MAPK10: variants seen among roughly 807,000 people sequenced by gnomAD.
The protein encoded by MAPK10 is JNK3 alpha protein kinase.
A neutral mutation model predicts 59.3 loss-of-function variants in MAPK10; 25 were observed. The ratio of observed to expected loss-of-function variants is 0.42; its 90% CI spans 0.31 to 0.59. The LOEUF (loss-of-function observed/expected upper bound fraction) is 0.59, where lower values mean the gene tolerates loss of function less well. Among genes scored for constraint, MAPK10 ranks in the 20% least tolerant of loss-of-function variants. MAPK10 has a pLI of 0.15. For missense variants in MAPK10, 351 were observed against 568.9 expected (o/e 0.62, Z 3.90); for synonymous variants, 190 against 200.5 (o/e 0.95, Z 0.44).
At chr4:86,348,139 C>T (rs1729224727) in intron 2 of MAPK10, among the ~76,000 whole-genome samples, 1 of 152,144 alleles carries the variant, frequency 6.6e-6, no homozygotes, top group African/African-American at 2.4e-5. Flanking sequence ...GAATTCTTAT[C>T]CATATACTTA....
chr4:86,354,707 C>T (rs1368134456), intron 1 of MAPK10, 63 bp from the exon 2 acceptor site: 10 of 651,966 alleles, frequency 1.5e-5, no homozygotes, highest in Non-Finnish European at 2.2e-5. Context: ...ATTTAGAAAA[C>T]CAAAAAGCTG....
intron 2 of MAPK10, chr4:86,334,931 C>T (rs560796148): frequency 6.6e-6 from 1 of 151,312 alleles, no homozygotes; most frequent in South Asian, 2.1e-4. Context: ...TTTCTGAACT[C>T]AATGCCTAGA....
At chr4:86,512,804 G>A (rs1756376582) in intron 1 of MAPK10, among the ~76,000 whole-genome samples, 1 of 152,182 alleles carries the variant, frequency 6.6e-6, no homozygotes, top group African/African-American at 2.4e-5. Context: ...ACTGATGGAT[G>A]TGTCACACAG....
intron 1 of MAPK10, among the ~76,000 whole-genome samples, chr4:86,470,622 C>G (rs1752577139): frequency 6.6e-6 from 1 of 151,986 alleles, no homozygotes; most frequent in Admixed American, 6.6e-5. Flanking sequence ...TTTCATCTCC[C>G]CTATTTTTTC....
chr4:86,264,347 TA>T (rs1278816254), intron 2 of MAPK10, among the ~76,000 whole-genome samples: 7 of 152,100 alleles, frequency 4.6e-5, no homozygotes, highest in Non-Finnish European at 1.0e-4. Context: ...TTCACAGAGT[TA>T]AAAAAACCTT....
intron 2 of MAPK10, among the ~76,000 whole-genome samples, chr4:86,314,258 T>C (rs1176304590): frequency 6.6e-6 from 1 of 152,104 alleles, no homozygotes; most frequent in African/African-American, 2.4e-5. Context: ...GGTGGATACA[T>C]AGGTTATATG....
intron 9 of MAPK10, among the ~76,000 whole-genome samples, chr4:86,084,268 T>C (rs1004132013): frequency 1.3e-5 from 2 of 152,200 alleles, no homozygotes; most frequent in African/African-American, 4.8e-5. Flanking sequence ...GATTTGGCTC[T>C]TGGACCGCCT....
intron 2 of MAPK10, among the ~76,000 whole-genome samples, chr4:86,242,597 A>AG (rs1438931573): frequency 6.6e-6 from 1 of 152,222 alleles, no homozygotes; most frequent in African/African-American, 2.4e-5. Context: ...AGGATGGGTC[A>AG]GGGTTAGACC....
At chr4:86,088,583 AT>A (rs1165292375) in intron 9 of MAPK10, among the ~76,000 whole-genome samples, 1 of 152,308 alleles carries the variant, frequency 6.6e-6, no homozygotes, top group African/African-American at 2.4e-5. Flanking sequence ...TTATATAACC[AT>A]TATTAATGAG....
At chr4:86,098,758 T>C in intron 8 of MAPK10, 163 bp from the exon 9 acceptor site, 1 of 604,854 alleles carries the variant, frequency 1.7e-6, no homozygotes, top group South Asian at 2.0e-5. Flanking sequence ...AGCGCTATGC[T>C]ATTACATAAA....
chr4:86,566,686 A>G (rs1362762907), intron 1 of MAPK10, among the ~76,000 whole-genome samples: 3 of 151,994 alleles, frequency 2.0e-5, no homozygotes, highest in African/African-American at 7.2e-5. Flanking sequence ...CTGCACTCCA[A>G]CCTGAGTGAC....
intron 1 of MAPK10, among the ~76,000 whole-genome samples, chr4:86,451,904 G>C (rs910533798): frequency 1.2e-4 from 18 of 152,244 alleles, no homozygotes; most frequent in Admixed American, 1.0e-3. Flanking sequence ...AGCTCATCTG[G>C]GGCCTGTGTG....
At chr4:86,366,456 T>G (rs185966289) in intron 1 of MAPK10, among the ~76,000 whole-genome samples, 1 of 152,224 alleles carries the variant, frequency 6.6e-6, no homozygotes, top group South Asian at 2.1e-4. Flanking sequence ...AAGAGGAAAA[T>G]TGCTGAATGA....
chr4:86,058,638 T>C (rs2045114962), intron 11 of MAPK10, among the ~76,000 whole-genome samples: 1 of 149,742 alleles, frequency 6.7e-6, no homozygotes, highest in Admixed American at 6.6e-5. Flanking sequence ...TGCTTATCTC[T>C]GTGTTGGTCC....
chr4:86,410,641 G>A (rs781299395), intron 1 of MAPK10, among the ~76,000 whole-genome samples: 22 of 152,152 alleles, frequency 1.4e-4, no homozygotes, highest in Non-Finnish European at 2.9e-4. Context: ...GAGTGTGTAT[G>A]TGTCCAGGAA....
chr4:86,552,386 A>G (rs563354623), intron 1 of MAPK10, among the ~76,000 whole-genome samples: 22 of 150,172 alleles, frequency 1.5e-4, no homozygotes, highest in African/African-American at 5.1e-4. Context: ...GCACCACTGT[A>G]GTCCAGCCCA....
intron 9 of MAPK10, among the ~76,000 whole-genome samples, chr4:86,078,415 A>G (rs1240411299): frequency 6.6e-6 from 1 of 152,136 alleles, no homozygotes; most frequent in African/African-American, 2.4e-5. Flanking sequence ...TGGCACATGC[A>G]GTCTCCTAGT....
At chr4:86,159,220 TG>T in intron 4 of MAPK10, 77 bp downstream of exon 4, 1 of 1,126,636 alleles carries the variant, frequency 8.9e-7, no homozygotes. Context: ...TTGGGGATTT[TG>T]TTTGTTTGTG....
At chr4:86,539,389 A>G (rs1290947551) in intron 1 of MAPK10, among the ~76,000 whole-genome samples, 1 of 152,198 alleles carries the variant, frequency 6.6e-6, no homozygotes, top group Non-Finnish European at 1.5e-5. Context: ...AACCCTCTGA[A>G]GCTCCAAACC....
Sources: allele counts gnomAD v4.1 joint callset (sites outside exome capture counted in the v4.1 genomes callset), GRCh38; gene constraint gnomAD v4.1.1; transcripts MANE v1.5; gene names NCBI Gene and HGNC (gene_info 2026-07-23, HGNC 2026-07-21).